Variants in MGAT4C observed in about 807,000 individuals in gnomAD.
MGAT4C encodes alpha-1,3-mannosyl-glycoprotein 4-beta-N-acetylglucosaminyltransferase C.
MGAT4C carries 19 observed loss-of-function variants against 40.1 expected under a neutral mutation model. That is an observed-to-expected ratio of 0.47 (90% CI 0.33 to 0.70). The LOEUF (loss-of-function observed/expected upper bound fraction) is 0.70, where lower values mean the gene tolerates loss of function less well. Ranked by LOEUF, MGAT4C falls within the 30% of genes least tolerant of loss-of-function variation. MGAT4C has a pLI of 0.02. For synonymous variants in MGAT4C, 181 were observed against 187.1 expected (o/e 0.97, Z 0.27); for missense variants, 491 against 563.2 (o/e 0.87, Z 1.30).
chr12:86,341,700 A>G (rs1566303185), intron 3 of MGAT4C, among the ~76,000 whole-genome samples: 1 of 152,116 alleles, frequency 6.6e-6, no homozygotes, highest in Admixed American at 6.5e-5. Flanking sequence ...GCCTGAGCCA[A>G]CCCAGGGCAG....
At chr12:86,237,049 A>C (rs1951584059) in intron 1 of MGAT4C, among the ~76,000 whole-genome samples, 1 of 151,110 alleles carries the variant, frequency 6.6e-6, no homozygotes, top group African/African-American at 2.4e-5. Flanking sequence ...AATTACATAT[A>C]TTTAGTGAGG....
At position 86,190,465 on chromosome 12, in the gene MGAT4C, T is replaced by G. The variant is rs1450315791; in HGVS notation, c.-57+65774A>C. On this transcript the variant is annotated intron_variant, in intron 1 of 4. Coordinates refer to ENST00000611864, the MANE Select transcript of MGAT4C (RefSeq NM_001351288.2). ...CAAATTTTCACATTTATGAATGGTA[T>G]AATTTCATCAGATCATACATCATTC... 1.3e-5 allele frequency among the ~76,000 whole-genome samples: 2 copies of G among 152,144 alleles called. 1 individual carries two copies. Among genetic ancestry groups the G allele is most frequent in the Non-Finnish European group, 2.9e-5 (2 of 68,004 alleles).
At chr12:86,325,046 A>G (rs1237462781) in intron 4 of MGAT4C, among the ~76,000 whole-genome samples, 1 of 152,136 alleles carries the variant, frequency 6.6e-6, no homozygotes, top group Non-Finnish European at 1.5e-5. Context: ...GAAGCAGTCA[A>G]TTGTTTTAAT....
chr12:86,600,541 G>A (rs1961729295), intron 2 of MGAT4C, among the ~76,000 whole-genome samples: 1 of 152,224 alleles, frequency 6.6e-6, no homozygotes, highest in East Asian at 1.9e-4. Context: ...GCACTGGGCT[G>A]TGATCTTCAG....
chr12:86,712,376 A>G (rs183325746), intron 2 of MGAT4C, among the ~76,000 whole-genome samples: 53 of 152,266 alleles, frequency 3.5e-4, no homozygotes, highest in Non-Finnish European at 7.2e-4. Flanking sequence ...CATGAATAAC[A>G]TAATCAATGA....
At chr12:86,680,631 T>C (rs1380835063) in intron 2 of MGAT4C, among the ~76,000 whole-genome samples, 1 of 152,068 alleles carries the variant, frequency 6.6e-6, no homozygotes, top group Non-Finnish European at 1.5e-5. Context: ...AAATAAATTA[T>C]CTTCTAAGTA....
chr12:86,658,274 T>G (rs943702956), intron 2 of MGAT4C, among the ~76,000 whole-genome samples: 96 of 152,208 alleles, frequency 6.3e-4, no homozygotes, highest in South Asian at 6.2e-4. Flanking sequence ...AGCAGAGGTT[T>G]AAGTAAGAAT....
intron 2 of MGAT4C, among the ~76,000 whole-genome samples, chr12:86,623,327 A>C (rs145650916): frequency 6.6e-6 from 1 of 152,154 alleles, no homozygotes; most frequent in African/African-American, 2.4e-5. Flanking sequence ...AATTTCCTAC[A>C]TTTTCTAAGA....
chr12:86,325,901 T>C (rs1398653362), intron 4 of MGAT4C, among the ~76,000 whole-genome samples: 1 of 151,712 alleles, frequency 6.6e-6, no homozygotes, highest in Non-Finnish European at 1.5e-5. Context: ...AAAATAATAA[T>C]GCTTGACACA....
chr12:86,582,782 T>C (rs1472880247), intron 2 of MGAT4C, among the ~76,000 whole-genome samples: 1 of 151,212 alleles, frequency 6.6e-6, no homozygotes, highest in Admixed American at 6.6e-5. Context: ...CCAAGGACAT[T>C]GGGACTTATG....
At chr12:86,275,466 C>T (rs1350683999) in intron 4 of MGAT4C, among the ~76,000 whole-genome samples, 1 of 152,044 alleles carries the variant, frequency 6.6e-6, no homozygotes, top group Non-Finnish European at 1.5e-5. Context: ...GGATAATGAC[C>T]CCCGAAGATG....
intron 1 of MGAT4C, among the ~76,000 whole-genome samples, chr12:86,171,969 G>C (rs766509459): frequency 2.0e-5 from 3 of 152,174 alleles, no homozygotes; most frequent in Non-Finnish European, 4.4e-5. Flanking sequence ...AAACCCTTGA[G>C]CGAGACTGGC....
chr12:86,028,093 C>T, intron 2 of MGAT4C: 1 of 1,277,704 alleles, frequency 7.8e-7, no homozygotes, highest in Non-Finnish European at 1.0e-6. Context: ...ACTACCTTTT[C>T]TAAATAATAC....
chr12:86,644,539 A>G (rs1165958088), intron 2 of MGAT4C, among the ~76,000 whole-genome samples: 2 of 151,744 alleles, frequency 1.3e-5, no homozygotes, highest in Non-Finnish European at 2.9e-5. Context: ...GGCATTATCT[A>G]CTAAAAATAG....
chr12:86,736,587 A>G (rs1394968576), intron 1 of MGAT4C, among the ~76,000 whole-genome samples: 2 of 151,712 alleles, frequency 1.3e-5, no homozygotes, highest in African/African-American at 2.4e-5. Context: ...GGGAAAACCA[A>G]ACACCCAGGA....
At chr12:86,222,288 A>C (rs1465767552) in intron 1 of MGAT4C, among the ~76,000 whole-genome samples, 1 of 152,224 alleles carries the variant, frequency 6.6e-6, no homozygotes, top group Non-Finnish European at 1.5e-5. Context: ...CTTTGTGCAG[A>C]TAGGAAACCA....
intron 2 of MGAT4C, among the ~76,000 whole-genome samples, chr12:86,623,786 A>G (rs1962714482): frequency 6.6e-6 from 1 of 152,212 alleles, no homozygotes; most frequent in Non-Finnish European, 1.5e-5. Context: ...CATTTGTCAA[A>G]CAAAATTAGA....
At chr12:86,574,406 T>C (rs946666159) in intron 2 of MGAT4C, among the ~76,000 whole-genome samples, 1 of 151,832 alleles carries the variant, frequency 6.6e-6, no homozygotes, top group Non-Finnish European at 1.5e-5. Flanking sequence ...TAGTTATTTC[T>C]TCACCTGAAT....
intron 2 of MGAT4C, among the ~76,000 whole-genome samples, chr12:86,709,253 A>C (rs1401616369): frequency 6.6e-6 from 1 of 152,140 alleles, no homozygotes; most frequent in Non-Finnish European, 1.5e-5. Context: ...GTAAGACGTA[A>C]CTTGCTCCTC....
Sources: gnomAD v4.1 joint callset for allele counts (sites outside exome capture counted in the v4.1 genomes callset) on GRCh38, gnomAD v4.1.1 for gene constraint, MANE v1.5 for transcripts, NCBI Gene and HGNC (gene_info 2026-07-23, HGNC 2026-07-21) for gene names.